The following FER variants were observed in gnomAD, a reference collection of about 807,000 sequenced individuals.
FER encodes FER tyrosine kinase.
FER carries 63 observed loss-of-function variants against 111.0 expected under a neutral mutation model. The observed-to-expected ratio is 0.57, with a 90% CI of 0.46 to 0.70. The LOEUF (loss-of-function observed/expected upper bound fraction) is 0.70. Among genes scored for constraint, FER ranks in the 30% least tolerant of loss-of-function variants. The probability of loss-of-function intolerance (pLI) is 0.00; values close to 1 mark genes in which losing one functional copy is unlikely to be tolerated. For missense variants in FER, 914 were observed against 954.0 expected, an observed-to-expected ratio of 0.96 and a Z score of 0.55; for synonymous variants, 327 against 313.9, an observed-to-expected ratio of 1.04 and a Z score of -0.44.
At chr5:109,169,718 G>A (rs549704605) in intron 17 of FER, among the ~76,000 whole-genome samples, 2 of 152,268 alleles carry the variant, frequency 1.3e-5, no homozygotes, top group South Asian at 2.1e-4. Flanking sequence ...AATGCTTTTT[G>A]TGATGATATG....
In FER at chr5:109,186,720, G is replaced by A. The variant is rs369058169; in HGVS notation, c.2326+398G>A. Among the ~76,000 whole-genome samples the A allele has an allele frequency of 1.2e-4, 19 of 152,316 alleles. No homozygotes were observed. In the East Asian group the frequency reaches 3.7e-3, roughly 29 times the overall value. Reference sequence around the variant, plus strand: ...TCTTTGAGAATATGACAACATTGTAGCACTTCTGAAGAAACCCTTTGGGGT... The same window carrying A: ...TCTTTGAGAATATGACAACATTGTAACACTTCTGAAGAAACCCTTTGGGGT... On this transcript the variant is annotated intron_variant, in intron 19 of 19. Transcript: ENST00000281092.
intron 13 of FER, 75 bp from the exon 14 acceptor site, chr5:109,037,347 T>A: frequency 7.9e-7 from 1 of 1,273,376 alleles, no homozygotes; most frequent in Non-Finnish European, 1.1e-6. Context: ...AGGTCGACTT[T>A]CCACTGGCTC....
rs1233654330 is a variant in FER, at chr5:109,192,225, G to C, written c.*4650G>C. On this transcript the variant is annotated 3_prime_UTR_variant, in exon 20 of 20. Transcript: ENST00000281092. ...TGAGGCAGCAGATTCAAATGCAAAA[G>C]AGGGAGGAACCAGTTATTCCAAGGC... 1 of 152,242 alleles carries C rather than the reference G, an allele frequency of 6.6e-6. No homozygotes were observed. Among genetic ancestry groups the C allele is most frequent in the Non-Finnish European group, 1.5e-5 (1 of 68,064 alleles). 9.4% of individuals were successfully genotyped at this position (152,242 alleles called of 1,614,324 possible).
Position 109,052,105 on chromosome 5 carries a change from G to T in FER, c.1924+4907G>T. ...GTGCATCTCCACATTGACACCATCA[G>T]TTTGGGCAACCTTGAGTTCCTCCTC... On this transcript the variant is annotated intron_variant, in intron 16 of 19. Transcript: ENST00000281092. The T allele has an allele frequency of 1.9e-6, 3 of 1,605,356 alleles. No homozygotes were observed. In the South Asian group the frequency reaches 3.3e-5, roughly 18 times the overall value.
intron 17 of FER, among the ~76,000 whole-genome samples, chr5:109,144,059 A>C (rs771086859): frequency 6.6e-6 from 1 of 151,870 alleles, no homozygotes; most frequent in Non-Finnish European, 1.5e-5. Context: ...CCATAATGTA[A>C]ATGTCAAATC....
intron 1 of FER, among the ~76,000 whole-genome samples, chr5:108,751,945 C>G (rs558130778): frequency 1.3e-5 from 2 of 152,182 alleles, no homozygotes; most frequent in East Asian, 1.9e-4. Flanking sequence ...TTTGCATACC[C>G]TAAATCTGTT....
At chr5:108,967,685 G>A (rs1012941690) in intron 13 of FER, among the ~76,000 whole-genome samples, 11 of 150,900 alleles carry the variant, frequency 7.3e-5, no homozygotes, top group Non-Finnish European at 1.5e-4. Context: ...GCTTGAACCC[G>A]GGAGGTGGAG....
intron 5 of FER, among the ~76,000 whole-genome samples, chr5:108,851,405 T>G (rs982447290): frequency 1.3e-5 from 2 of 152,182 alleles, no homozygotes; most frequent in African/African-American, 4.8e-5. Context: ...CCGCCATGAT[T>G]CAGTTACCTC....
chr5:109,012,531 T>C (rs762607438), intron 13 of FER, among the ~76,000 whole-genome samples: 3 of 152,248 alleles, frequency 2.0e-5, no homozygotes, highest in Non-Finnish European at 2.9e-5. Flanking sequence ...AAGTAAAAGC[T>C]TTTATTTTTA....
rs1179544819 is a variant in FER, at chr5:109,067,272, GC to G, written c.1924+20075del. On this transcript the variant is annotated intron_variant, in intron 16 of 19. Transcript: ENST00000281092. Reference sequence around the variant, plus strand: ...TGTTGTTGTTGTTGTTGCTGTTGCTGCTGCTGCTGCTGTTTTTAATTTTCAG... The same window carrying G: ...TGTTGTTGTTGTTGTTGCTGTTGCTGTGCTGCTGCTGTTTTTAATTTTCAG... 9.3e-3 allele frequency among the ~76,000 whole-genome samples: 1,416 copies of G among 151,890 alleles called. 16 individuals are homozygous for G. The highest frequency in any genetic ancestry group is 0.032 in the African/African-American group (1,342 of 41,370).
intron 11 of FER, among the ~76,000 whole-genome samples, chr5:108,954,108 T>C (rs1758119240): frequency 6.6e-6 from 1 of 152,098 alleles, no homozygotes; most frequent in Non-Finnish European, 1.5e-5. Flanking sequence ...TAATTGCATG[T>C]TGGTGGTTTT....
intron 5 of FER, among the ~76,000 whole-genome samples, chr5:108,854,283 A>G (rs1388026377): frequency 2.6e-5 from 4 of 152,216 alleles, no homozygotes; most frequent in Non-Finnish European, 2.9e-5. Flanking sequence ...TAGTACAGGT[A>G]TCTTCTCTTA....
intron 13 of FER, among the ~76,000 whole-genome samples, chr5:108,975,793 G>A (rs1186011157): frequency 4.6e-5 from 7 of 152,170 alleles, no homozygotes; most frequent in African/African-American, 1.7e-4. Flanking sequence ...TTAGTTATCT[G>A]TCAGAATCAC....
At chr5:108,904,306 G>A in intron 10 of FER, among the ~76,000 whole-genome samples, 1 of 152,158 alleles carries the variant, frequency 6.6e-6, no homozygotes, top group Non-Finnish European at 1.5e-5. Context: ...GGCAATGAGT[G>A]CTGGGAGTTA....
intron 17 of FER, among the ~76,000 whole-genome samples, chr5:109,114,407 T>C (rs1260180306): frequency 1.3e-5 from 2 of 152,144 alleles, no homozygotes; most frequent in Non-Finnish European, 2.9e-5. Context: ...GGTGCTGTTC[T>C]TTTCATTTTT....
chr5:108,995,029 C>T (rs565015219), intron 13 of FER, among the ~76,000 whole-genome samples: 50 of 152,234 alleles, frequency 3.3e-4, no homozygotes, highest in African/African-American at 1.0e-3. Context: ...ATTGGGTTTT[C>T]TAGATGTAGG....
chr5:108,890,043 A>G (rs1431858049), intron 9 of FER, among the ~76,000 whole-genome samples: 1 of 152,042 alleles, frequency 6.6e-6, no homozygotes, highest in Non-Finnish European at 1.5e-5. Flanking sequence ...CAGTTAAGAT[A>G]CAGAACATTT....
chr5:109,040,947 C>A (rs1384422905), intron 14 of FER, among the ~76,000 whole-genome samples: 1 of 152,024 alleles, frequency 6.6e-6, no homozygotes, highest in Non-Finnish European at 1.5e-5. Flanking sequence ...AATATAGGGA[C>A]AAGAGCCCAG....
intron 17 of FER, among the ~76,000 whole-genome samples, chr5:109,132,571 A>G (rs2126583364): frequency 6.6e-6 from 1 of 152,290 alleles, no homozygotes; most frequent in Non-Finnish European, 1.5e-5. Context: ...TAAAAGGCCT[A>G]GATCCCAGGA....
Sources: allele counts gnomAD v4.1 joint callset (sites outside exome capture counted in the v4.1 genomes callset), GRCh38; gene constraint gnomAD v4.1.1; transcripts MANE v1.5; gene names NCBI Gene and HGNC (gene_info 2026-07-23, HGNC 2026-07-21).